XPO1: variants seen among roughly 807,000 people sequenced by gnomAD.
XPO1 encodes the protein exportin 1, also known as exportin-1.
In XPO1, 5 loss-of-function variants were observed where a neutral mutation model predicts 133.3. That is an observed-to-expected ratio of 0.04 (90% CI 0.02 to 0.08). The LOEUF is 0.08. Among genes scored for constraint, XPO1 ranks in the 10% least tolerant of loss-of-function variants. The pLI, the probability that XPO1 is intolerant of heterozygous loss-of-function variation, is 1.00. For missense variants in XPO1, 506 were observed against 1,267.5 expected (o/e 0.40, Z 9.12); for synonymous variants, 419 against 408.2 (o/e 1.03, Z -0.32).
Position 61,488,788 on chromosome 2 carries a change from C to A in XPO1, c.2023-17G>T, listed in dbSNP as rs764354011. On this transcript the variant is annotated splice_polypyrimidine_tract_variant and intron_variant, in intron 17 of 24. Transcript: ENST00000401558. ...ATCCACATTCTTGGAGGAAAAAAAG[C>A]AAATTCCATTTATCATATAAGAATT... 6.2e-7 allele frequency: 1 copy of A among 1,610,690 alleles called. No individual in the cohort carries two copies. Among genetic ancestry groups the A allele is most frequent in the Non-Finnish European group, 8.5e-7 (1 of 1,178,436 alleles).
intron 4 of XPO1, among the ~76,000 whole-genome samples, chr2:61,515,546 C>T (rs1336346516): frequency 6.6e-6 from 1 of 152,168 alleles, no homozygotes; most frequent in East Asian, 1.9e-4. Context: ...CCACTACTTA[C>T]TCATACTCAG....
In XPO1 at chr2:61,495,567, T is replaced by G; in HGVS notation, c.935A>C (p.Lys312Thr). The change falls in exon 11 of 25, where the codon AAA becomes ACA. Residue 312 changes from lysine (K) to threonine (T), a missense_variant. Physicochemically the swap from Lys to Thr is moderately conservative, Grantham distance 78 (BLOSUM62 -1). Transcript: ENST00000401558. Reference sequence around the variant, plus strand: ...TTGAATGAAGTTCTGTTCATCATCTTTTCCATTTGAGTACGCAAGTCGAAT... The same window carrying G: ...TTGAATGAAGTTCTGTTCATCATCTGTTCCATTTGAGTACGCAAGTCGAAT... ...TNIRLAYSNG[K>T]DDEQNFIQNL... 1 of 1,588,866 alleles carries G rather than the reference T, an allele frequency of 6.3e-7. No individual in the cohort carries two copies. The highest frequency in any genetic ancestry group is 8.6e-7 in the Non-Finnish European group (1 of 1,163,570).
chr2:61,513,556 C>T (rs1558661490), intron 4 of XPO1, among the ~76,000 whole-genome samples: 1 of 150,436 alleles, frequency 6.6e-6, no homozygotes, highest in Admixed American at 6.6e-5. Context: ...AACTGCTGAC[C>T]TCAAGAGATC....
intron 1 of XPO1, 126 bp from the exon 2 acceptor site, chr2:61,534,029 T>C (rs1699265269): frequency 2.1e-6 from 2 of 969,620 alleles, no homozygotes; most frequent in Non-Finnish European, 2.7e-6. Flanking sequence ...GAGACTTTAA[T>C]TACAGAAAAC....
chr2:61,525,236 C>A, intron 3 of XPO1: 1 of 983,790 alleles, frequency 1.0e-6, no homozygotes, highest in Non-Finnish European at 1.2e-6. Context: ...AATTGATGAA[C>A]AGAATTCAGT....
chr2:61,498,974 T>C, intron 7 of XPO1, 61 bp from the exon 8 acceptor site: 1 of 1,483,596 alleles, frequency 6.7e-7, no homozygotes, highest in Non-Finnish European at 9.0e-7. Context: ...GTATCAGTTA[T>C]CTATAATACT....
chr2:61,517,425 A>G (rs1410620927), intron 4 of XPO1, among the ~76,000 whole-genome samples: 2 of 152,146 alleles, frequency 1.3e-5, no homozygotes, highest in Admixed American at 6.6e-5. Context: ...CTCTATCAAA[A>G]TTAGAAAAAC....
At chr2:61,519,478 A>G (rs1573202396) in intron 4 of XPO1, among the ~76,000 whole-genome samples, 1 of 151,750 alleles carries the variant, frequency 6.6e-6, no homozygotes, top group South Asian at 2.1e-4. Context: ...CGGGAGGACC[A>G]AAAGGTCAGG....
At chr2:61,482,034 C>CTTTTTTTTTTTTTTTTTTTTTTTTTTT (rs1195049382) in intron 23 of XPO1, among the ~76,000 whole-genome samples, 2 of 71,368 alleles carry the variant, frequency 2.8e-5, no homozygotes, top group Admixed American at 2.1e-4. Flanking sequence ...CGTGCGTGGC[C>CTTTTTTTTTTTTTTTTTTTTTTTTTTT]TTTTTTTTTT....
chr2:61,504,105 C>T (rs1697679869), intron 4 of XPO1, among the ~76,000 whole-genome samples: 1 of 152,118 alleles, frequency 6.6e-6, no homozygotes, highest in Non-Finnish European at 1.5e-5. Context: ...ACATTAAGCT[C>T]ATATTAGAAA....
At chr2:61,518,572 A>G (rs1698527515) in intron 4 of XPO1, among the ~76,000 whole-genome samples, 1 of 148,930 alleles carries the variant, frequency 6.7e-6, no homozygotes, top group Non-Finnish European at 1.5e-5. Flanking sequence ...AGCCGAGATC[A>G]CGCCACTGCA....
rs77514585 is a variant in XPO1 at position 61,522,587 on chromosome 2, A to C, written c.301+24T>G. ...AATGCCAGGAAAAACAAAACTCTGA[A>C]TTTATAATTCTTTATTTTCCTACCT... On this transcript the variant is annotated intron_variant, in intron 4 of 24. Transcript: ENST00000401558. 3.7e-3 allele frequency: 6,006 copies of C among 1,601,960 alleles called. 195 individuals carry two copies. The African/African-American group carries it at 0.068, about 18-fold the overall frequency.
intron 4 of XPO1, among the ~76,000 whole-genome samples, chr2:61,520,270 A>T (rs974393963): frequency 6.6e-6 from 1 of 152,230 alleles, no homozygotes; most frequent in Admixed American, 6.5e-5. Context: ...TTAAAGATGA[A>T]GGAAAATTAA....
chr2:61,483,898 A>T, intron 21 of XPO1, 39 bp downstream of exon 21: 1 of 1,595,272 alleles, frequency 6.3e-7, no homozygotes, highest in Non-Finnish European at 8.6e-7. Context: ...GTATTTTTGG[A>T]TTGGCAGGCA....
chr2:61,529,118 T>C (rs1699043541), intron 2 of XPO1, among the ~76,000 whole-genome samples: 2 of 151,748 alleles, frequency 1.3e-5, no homozygotes. Context: ...GCCTGGGAAG[T>C]CAAGGCTGCA....
In XPO1 at chr2:61,478,973, A is replaced by G. The variant is rs770722245; in HGVS notation, c.3070-7T>C. ...TGTCTTCACCTGCAAATTCCTGTGA[A>G]AACAGATAGTTGAAATGTCAACGCA... On this transcript the variant is annotated splice_region_variant and splice_polypyrimidine_tract_variant and intron_variant, in intron 24 of 24. Coordinates refer to ENST00000401558, the MANE Select transcript of XPO1 (RefSeq NM_003400.4). 6.2e-7 allele frequency: 1 copy of G among 1,610,028 alleles called. No individual in the cohort carries two copies. The highest frequency in any genetic ancestry group is 8.5e-7 in the Non-Finnish European group (1 of 1,178,748).
At chr2:61,521,759 GTTGTTC>G (rs1321818696) in intron 4 of XPO1, among the ~76,000 whole-genome samples, 2 of 151,748 alleles carry the variant, frequency 1.3e-5, no homozygotes, top group Non-Finnish European at 2.9e-5. Flanking sequence ...TTTTGTTGTT[GTTGTTC>G]TTGTTTTTTG....
At chr2:61,508,563 A>G (rs1360152758) in intron 4 of XPO1, among the ~76,000 whole-genome samples, 6 of 152,246 alleles carry the variant, frequency 3.9e-5, no homozygotes, top group Non-Finnish European at 5.9e-5. Flanking sequence ...CTTAGAAGGT[A>G]CACACCATCT....
rs149122505 is a variant in XPO1 at position 61,503,251 on chromosome 2, C to T, written c.302-941G>A. Among the ~76,000 whole-genome samples, 426 of 151,870 alleles carry T rather than the reference C, an allele frequency of 2.8e-3. 1 individual carries two copies. The highest frequency in any genetic ancestry group is 9.6e-3 in the African/African-American group (399 of 41,424). On this transcript the variant is annotated intron_variant, in intron 4 of 24. Coordinates refer to ENST00000401558, the MANE Select transcript of XPO1 (RefSeq NM_003400.4). ...GGATTATAGGTGTGAGCTACTGCAC[C>T]CGGCCTTTTCTTTCTTTTTTTTGGA...
Sources: gnomAD v4.1 joint callset for allele counts (sites outside exome capture counted in the v4.1 genomes callset) on GRCh38, gnomAD v4.1.1 for gene constraint, MANE v1.5 for transcripts, NCBI Gene and HGNC (gene_info 2026-07-23, HGNC 2026-07-21) for gene names.